The following SPATA31D1 variants were observed in gnomAD, a reference collection of about 807,000 sequenced individuals.
The protein encoded by SPATA31D1 is SPATA31 subfamily D member 1, also known as spermatogenesis-associated protein 31D1.
SPATA31D1 carries 6 observed loss-of-function variants against 13.2 expected under a neutral mutation model. That is an observed-to-expected ratio of 0.46 (90% CI 0.25 to 0.90). The LOEUF is 0.90. Among genes scored for constraint, SPATA31D1 ranks in the 40% least tolerant of loss-of-function variants. The pLI is 0.18. For missense variants in SPATA31D1, 2,445 were observed against 1,884.7 expected (o/e 1.30, Z -5.50); for synonymous variants, 903 against 718.8 (o/e 1.26, Z -4.10).
In SPATA31D1 at chr9:81,993,359, C is replaced by T. The variant is rs755375535; in HGVS notation, c.2889C>T (p.Ser963=). The T allele has an allele frequency of 5.0e-6, 8 of 1,613,950 alleles. No individual in the cohort carries two copies. The Admixed American group carries it at 5.0e-5, about 10-fold the overall frequency. ...QGDSKDGVSK[S]RSRSTFQGEK... Reference sequence around the variant, plus strand: ...ATTCCAAAGATGGGGTCTCTAAGTCCCGTAGTCGAAGCACTTTTCAAGGAG... The same window carrying T: ...ATTCCAAAGATGGGGTCTCTAAGTCTCGTAGTCGAAGCACTTTTCAAGGAG... Residue 963 remains serine (S), a synonymous_variant, in exon 4 of 4, where the codon TCC becomes TCT. Transcript: ENST00000344803.
In SPATA31D1 at chr9:81,990,862, G is replaced by A. The variant is rs748168267; in HGVS notation, c.392G>A (p.Arg131Gln). 97 of 1,613,734 alleles carry A rather than the reference G, an allele frequency of 6.0e-5. No homozygotes were observed. Among genetic ancestry groups the A allele is most frequent in the Middle Eastern group, 1.6e-4 (1 of 6,084 alleles). ...RRLLCPDPVC[R>Q]VCKRATADIQ... ...CTGTTATGCCCAGACCCCGTCTGTC[G>A]GGTGTGTAAGAGAGCAACTGCTGAT... Residue 131 changes from arginine (R) to glutamine (Q), a missense_variant, in exon 4 of 4, where the codon CGG (arginine) becomes CAG (glutamine). Arg to Gln is a conservative substitution (Grantham distance 43). Transcript: ENST00000344803.
Position 81,994,763 on chromosome 9 carries a change from C to T in SPATA31D1, c.4293C>T (p.Pro1431=). The T allele has an allele frequency of 6.2e-7, 1 of 1,613,942 alleles. No homozygotes were observed. Among genetic ancestry groups the T allele is most frequent in the Non-Finnish European group, 8.5e-7 (1 of 1,179,888 alleles). The change falls in exon 4 of 4, where the codon CCC becomes CCT. Residue 1431 remains proline, a synonymous_variant. Transcript: ENST00000344803. ...TAGATATCACCTGTCCCCAAGAGCC[C>T]CTTTCCTTCCCAGTGGGGCTTGGGA... ...HGIDITCPQE[P]LSFPVGLGKA... is the part of the protein sequence containing the mutation.
upstream of SPATA31D1, among the ~76,000 whole-genome samples, chr9:81,987,516 C>A (rs1012435484): frequency 6.6e-6 from 1 of 152,110 alleles, no homozygotes; most frequent in Admixed American, 6.6e-5. Flanking sequence ...TAATAATTTG[C>A]CTCAACTTCT....
rs1554730658 is a variant in SPATA31D1 at position 81,993,445 on chromosome 9, C to G, written c.2975C>G (p.Pro992Arg). The change falls in exon 4 of 4, where the codon CCT becomes CGT. Residue 992 changes from proline (P) to arginine (R), a missense_variant. Transcript: ENST00000344803. ...ILDRPHPVSS[P>R]VVQEGQGTLR... ...GATCGTCCTCACCCTGTCTCCTCACCTGTCGTCCAAGAAGGGCAGGGGACC... is the reference window on the plus strand; with the variant it reads ...GATCGTCCTCACCCTGTCTCCTCACGTGTCGTCCAAGAAGGGCAGGGGACC... The G allele has an allele frequency of 8.1e-6, 13 of 1,613,790 alleles. No individual in the cohort carries two copies. The South Asian group carries it at 1.2e-4, about 15-fold the overall frequency.
At position 81,991,519 on chromosome 9, in the gene SPATA31D1, A is replaced by C. The variant is rs781171330; in HGVS notation, c.1049A>C (p.His350Pro). 1 of 1,613,766 alleles carries C rather than the reference A, an allele frequency of 6.2e-7. No individual in the cohort carries two copies. The highest frequency in any genetic ancestry group is 1.3e-5 in the African/African-American group (1 of 74,886). The change falls in exon 4 of 4, where the codon CAC becomes CCC. Residue 350 changes from histidine (H) to proline (P), a missense_variant. His to Pro is a moderately conservative substitution (Grantham distance 77). Coordinates refer to ENST00000344803, the MANE Select transcript of SPATA31D1 (RefSeq NM_001001670.3). ...APTIKGIDHS[H>P]LASSEFTWWQ... ...ACAATCAAAGGCATTGACCATTCAC[A>C]CCTTGCATCTTCAGAATTCACCTGG...
upstream of SPATA31D1, among the ~76,000 whole-genome samples, chr9:81,988,232 C>T (rs1824888065): frequency 6.6e-6 from 1 of 152,204 alleles, no homozygotes; most frequent in African/African-American, 2.4e-5. Context: ...TAGTTTTAAT[C>T]ATTTGAGACA....
In SPATA31D1 at chr9:81,992,708, G is replaced by C; in HGVS notation, c.2238G>C (p.Lys746Asn). Reference protein sequence around the residue: ...LVEGQRCNVLKKSASSFPRSF... With the variant: ...LVEGQRCNVLNKSASSFPRSF... ...AGGGTCAGAGGTGCAATGTTCTAAA[G>C]AAGTCCGCATCAAGCTTCCCTAGAA... is the stretch of plus-strand genomic sequence containing the variant. Residue 746 changes from lysine (K) to asparagine (N), a missense_variant, in exon 4 of 4, where the codon AAG becomes AAC. Coordinates refer to ENST00000344803, the MANE Select transcript of SPATA31D1 (RefSeq NM_001001670.3). The C allele has an allele frequency of 3.1e-6, 5 of 1,613,810 alleles. No individual in the cohort carries two copies. Among genetic ancestry groups the C allele is most frequent in the Non-Finnish European group, 4.2e-6 (5 of 1,179,718 alleles).
At position 81,990,914 on chromosome 9, in the gene SPATA31D1, C is replaced by T. The variant is rs1218582447; in HGVS notation, c.444C>T (p.Ser148=). 3 of 1,613,910 alleles carry T rather than the reference C, an allele frequency of 1.9e-6. No homozygotes were observed. The highest frequency in any genetic ancestry group is 1.3e-5 in the African/African-American group (1 of 75,020). ...ADIQQLLSWE[S]LKDAAPSVSP... is the part of the protein sequence containing the mutation. ...TCCAGCAACTGCTGTCTTGGGAGTC[C>T]CTGAAAGATGCTGCTCCCTCTGTGT... The change falls in exon 4 of 4, where the codon TCC becomes TCT. Residue 148 remains serine, a synonymous_variant. Transcript: ENST00000344803.
In SPATA31D1 at chr9:81,990,971, G is replaced by C; in HGVS notation, c.501G>C (p.Glu167Asp). ...TGGCTTCTTCGGCTTCTGCGACTGA[G>C]TCATCGTTCACTCTGGCTTCCACCC... ...SPLASSASAT[E>D]SSFTLASTPS... The change falls in exon 4 of 4, where the codon GAG becomes GAC. Residue 167 changes from glutamate to aspartate, a missense_variant. By Grantham distance (45) the Glu-to-Asp change is conservative. Coordinates refer to ENST00000344803, the MANE Select transcript of SPATA31D1 (RefSeq NM_001001670.3). 6.2e-7 allele frequency: 1 copy of C among 1,613,832 alleles called. No homozygotes were observed. Among genetic ancestry groups the C allele is most frequent in the South Asian group, 1.1e-5 (1 of 91,070 alleles).
chr9:81,994,581 C>G lies in SPATA31D1; in HGVS notation c.4111C>G (p.Gln1371Glu). Residue 1371 changes from glutamine (Q) to glutamate (E), a missense_variant, in exon 4 of 4, where the codon CAA (glutamine) becomes GAA (glutamate). Gln to Glu is a conservative substitution (Grantham distance 29). Transcript: ENST00000344803. ...TAAACCCAGCATATCATATGAAGAA[C>G]AAGAAAGTTCCTGGGAAAAGGGTAG... ...FNKPSISYEE[Q>E]ESSWEKGSSL... The G allele has an allele frequency of 1.9e-6, 3 of 1,612,856 alleles. No individual in the cohort carries two copies. Among genetic ancestry groups the G allele is most frequent in the Non-Finnish European group, 2.5e-6 (3 of 1,179,360 alleles).
chr9:81,992,823 C>T lies in SPATA31D1; in HGVS notation c.2353C>T (p.Leu785=). The T allele has an allele frequency of 1.2e-6, 2 of 1,613,798 alleles. No homozygotes were observed. Among genetic ancestry groups the T allele is most frequent in the South Asian group, 2.2e-5 (2 of 91,078 alleles). ...YSQETVPKDH[L]LHGPETSSDK... ...CCAGGAGACTGTCCCAAAAGATCAC[C>T]TGTTGCATGGTCCGGAGACTTCTTC... Residue 785 remains leucine, a synonymous_variant, in exon 4 of 4, where the codon CTG becomes TTG. Coordinates refer to ENST00000344803, the MANE Select transcript of SPATA31D1 (RefSeq NM_001001670.3).
Position 81,989,834 on chromosome 9 carries a change from C to A in SPATA31D1, c.232+11C>A. The A allele has an allele frequency of 6.2e-7, 1 of 1,613,188 alleles. No homozygotes were observed. On this transcript the variant is annotated intron_variant, in intron 2 of 3. Coordinates refer to ENST00000344803, the MANE Select transcript of SPATA31D1 (RefSeq NM_001001670.3). ...GTGGGACATTCAAAGGTAATGTCAG[C>A]CTGCTCTATCTGAGCTTCAGGGGTG...
At position 81,995,192 on chromosome 9, in the gene SPATA31D1, C is replaced by T; in HGVS notation, c.4722C>T (p.Pro1574=). The change falls in exon 4 of 4, where the codon CCC becomes CCT. Residue 1574 remains proline (P), a synonymous_variant. Transcript: ENST00000344803. ...ATTTACAGGGAGGAAAATTTCCCCC[C>T]ACAAAATAATTCACTCCTTGTTGAG... ...PKHLQGGKFP[P]TK is the part of the protein sequence containing the mutation. 1 of 1,522,268 alleles carries T rather than the reference C, an allele frequency of 6.6e-7. No individual in the cohort carries two copies. The highest frequency in any genetic ancestry group is 1.2e-5 in the South Asian group (1 of 81,220). The allele number at this position is 1,522,268 out of a possible 1,614,324, so 94.3% of individuals were successfully genotyped here.
Position 81,991,576 on chromosome 9 carries a change from C to A in SPATA31D1, c.1106C>A (p.Ser369Tyr), listed in dbSNP as rs766781161. The A allele has an allele frequency of 1.3e-5, 21 of 1,613,992 alleles. No homozygotes were observed. Among genetic ancestry groups the A allele is most frequent in the Non-Finnish European group, 1.7e-5 (20 of 1,179,898 alleles). ...WQPHAKDSFS[S>Y]NFVPSDFMEE... ...CCTCATGCCAAGGACTCTTTTTCCT[C>A]TAATTTTGTGCCATCTGATTTCATG... Residue 369 changes from serine to tyrosine, a missense_variant, in exon 4 of 4, where the codon TCT becomes TAT. By Grantham distance (144) the Ser-to-Tyr change is moderately radical (BLOSUM62 -2). Coordinates refer to ENST00000344803, the MANE Select transcript of SPATA31D1 (RefSeq NM_001001670.3).
chr9:81,989,873 C>A (rs1005193943), intron 2 of SPATA31D1, 50 bp downstream of exon 2: 2 of 1,589,880 alleles, frequency 1.3e-6, no homozygotes, highest in African/African-American at 2.7e-5. Context: ...CTTTCTGTCT[C>A]TTTCATGATG....
chr9:81,987,766 T>C (rs1324543209), upstream of SPATA31D1, among the ~76,000 whole-genome samples: 1 of 152,038 alleles, frequency 6.6e-6, no homozygotes, highest in African/African-American at 2.4e-5. Context: ...AATGAAATAA[T>C]CAGTTTACAG....
At position 81,994,708 on chromosome 9, in the gene SPATA31D1, T is replaced by C; in HGVS notation, c.4238T>C (p.Leu1413Pro). 3 of 1,613,804 alleles carry C rather than the reference T, an allele frequency of 1.9e-6. No individual in the cohort carries two copies. Among genetic ancestry groups the C allele is most frequent in the Non-Finnish European group, 1.7e-6 (2 of 1,179,808 alleles). ...ATTAGGAAAGACACTAGGGAGTTCCTAGAAGAGAAGCTGGGGCATAGGCAT... is the reference window on the plus strand; with the variant it reads ...ATTAGGAAAGACACTAGGGAGTTCCCAGAAGAGAAGCTGGGGCATAGGCAT... ...QKIRKDTREF[L>P]EEKLGHRHGI... Residue 1413 changes from leucine (L) to proline (P), a missense_variant, in exon 4 of 4, where the codon CTA becomes CCA. Transcript: ENST00000344803.
rs1181021172 is a variant in SPATA31D1, at chr9:81,992,032, T to C, written c.1562T>C (p.Val521Ala). The change falls in exon 4 of 4, where the codon GTC becomes GCC. Residue 521 changes from valine (V) to alanine (A), a missense_variant. Val to Ala is a moderately conservative substitution (Grantham distance 64, BLOSUM62 0). Transcript: ENST00000344803. Reference protein sequence around the residue: ...HSESLHPTVLVQRGHSSMFVF... With the variant: ...HSESLHPTVLAQRGHSSMFVF... ...GAGTCTCTGCATCCTACTGTTCTTG[T>C]CCAACGTGGCCATTCCTCCATGTTT... 6 of 1,613,704 alleles carry C rather than the reference T, an allele frequency of 3.7e-6. No individual in the cohort carries two copies. Among genetic ancestry groups the C allele is most frequent in the Middle Eastern group, 3.3e-4 (2 of 6,078 alleles).
In SPATA31D1 at chr9:81,991,757, A is replaced by C. The variant is rs767974159; in HGVS notation, c.1287A>C (p.Lys429Asn). ...AAAGGGGTGATTTCCTGATGTGGAA[A>C]GAAAATGGAAAGAAACCAGGATCAT... ...VKKRGDFLMW[K>N]ENGKKPGSFP... Residue 429 changes from lysine to asparagine, a missense_variant, in exon 4 of 4, where the codon AAA becomes AAC. Lys to Asn is a moderately conservative substitution (Grantham distance 94). Transcript: ENST00000344803. 2.8e-5 allele frequency: 45 copies of C among 1,613,810 alleles called. No individual in the cohort carries two copies. Among genetic ancestry groups the C allele is most frequent in the Non-Finnish European group, 3.8e-5 (45 of 1,179,728 alleles).
Sources: gnomAD v4.1 joint callset for allele counts (sites outside exome capture counted in the v4.1 genomes callset) on GRCh38, gnomAD v4.1.1 for gene constraint, MANE v1.5 for transcripts, NCBI Gene and HGNC (gene_info 2026-07-23, HGNC 2026-07-21) for gene names.